Variants in FBLN1 observed in about 807,000 individuals in gnomAD.
The protein encoded by FBLN1 is fibulin 1.
In FBLN1, 34 loss-of-function variants were observed where a neutral mutation model predicts 89.7. The observed-to-expected ratio is 0.38, with a 90% CI of 0.29 to 0.50. The LOEUF is 0.50. FBLN1 is among the 20% of genes least tolerant of loss of function. The pLI is 0.92. For synonymous variants in FBLN1, 393 were observed against 391.3 expected (o/e 1.00, Z -0.05); for missense variants, 777 against 988.1 (o/e 0.79, Z 2.86).
intron 16 of FBLN1, among the ~76,000 whole-genome samples, chr22:45,596,752 T>C (rs1409549247): frequency 6.8e-6 from 1 of 147,566 alleles, no homozygotes; most frequent in Non-Finnish European, 1.5e-5. Context: ...AAACATTTTA[T>C]ATGAACAAAT....
chr22:45,597,018 T>C lies in FBLN1; in HGVS notation c.1973-3289T>C, dbSNP rs1299088259. ...ATAACAGAAATAGATCTCTTTTTTTTTGGGACAGGATCTTGCTCTGTCACC... is the reference window on the plus strand; with the variant it reads ...ATAACAGAAATAGATCTCTTTTTTTCTGGGACAGGATCTTGCTCTGTCACC... On this transcript the variant is annotated intron_variant, in intron 16 of 16. Coordinates refer to ENST00000327858, the MANE Select transcript of FBLN1 (RefSeq NM_006486.3). This position sits in a 1 kb window ranked among gnomAD's most constrained non-coding sequence, Gnocchi z 4.2. Among the ~76,000 whole-genome samples the C allele has an allele frequency of 2.6e-5, 4 of 151,820 alleles. No individual in the cohort carries two copies. Among genetic ancestry groups the C allele is most frequent in the Non-Finnish European group, 5.9e-5 (4 of 67,970 alleles).
In FBLN1 at chr22:45,579,555, G is replaced by A. The variant is rs542928538; in HGVS notation, c.1972+2447G>A. Among the ~76,000 whole-genome samples the A allele has an allele frequency of 6.6e-6, 1 of 152,202 alleles. No homozygotes were observed. Among genetic ancestry groups the A allele is most frequent in the Non-Finnish European group, 1.5e-5 (1 of 68,038 alleles). ...CCCCAGCCTGGCCCTTGGAATTGTC[G>A]TGCCTGTAGCCCTGTGTGCTGGGGA... On this transcript the variant is annotated intron_variant, in intron 16 of 16. Coordinates refer to ENST00000327858, the MANE Select transcript of FBLN1 (RefSeq NM_006486.3). This position sits in a 1 kb window ranked among gnomAD's most constrained non-coding sequence, Gnocchi z 5.5.
chr22:45,538,598 A>G lies in FBLN1; in HGVS notation c.923-2631A>G, dbSNP rs117233598. On this transcript the variant is annotated intron_variant, in intron 8 of 16. Transcript: ENST00000327858. The stretch of plus-strand genomic sequence containing the variant: ...TGCATCAGCAGAAATACGTCTTTCT[A>G]AGGAGAAAATACATCAAGATAGAAG... Among the ~76,000 whole-genome samples the G allele has an allele frequency of 6.2e-4, 95 of 152,294 alleles. 1 individual carries two copies. In the East Asian group the frequency reaches 0.018, roughly 28 times the overall value.
chr22:45,517,806 CG>C (rs2088189589), intron 1 of FBLN1: 1 of 365,468 alleles, frequency 2.7e-6, no homozygotes, highest in African/African-American at 2.2e-5. Context: ...GGAGAAAACA[CG>C]GATGTGGGTC....
chr22:45,542,490 C>G (rs1200712090), intron 10 of FBLN1, among the ~76,000 whole-genome samples: 1 of 152,216 alleles, frequency 6.6e-6, no homozygotes, highest in East Asian at 1.9e-4. Context: ...GGCACCACCC[C>G]CCTGTGTGTG....
chr22:45,524,496 C>T (rs2088293793), intron 2 of FBLN1, among the ~76,000 whole-genome samples: 1 of 152,202 alleles, frequency 6.6e-6, no homozygotes, highest in African/African-American at 2.4e-5. Flanking sequence ...AGCTAGGTGC[C>T]ACTGCAGCCA....
rs1423944758 is a variant in FBLN1 at position 45,583,480 on chromosome 22, G to C, written c.1972+6372G>C. Among the ~76,000 whole-genome samples, 1 of 152,228 alleles carries C rather than the reference G, an allele frequency of 6.6e-6. No individual in the cohort carries two copies. Among genetic ancestry groups the C allele is most frequent in the Non-Finnish European group, 1.5e-5 (1 of 68,042 alleles). On this transcript the variant is annotated intron_variant, in intron 16 of 16. Coordinates refer to ENST00000327858, the MANE Select transcript of FBLN1 (RefSeq NM_006486.3). The surrounding 1 kb of genome is among the most constrained non-coding windows in gnomAD (Gnocchi z 4.5). ...CATTAATGGAATCAGATGAAACGAT[G>C]TATGTGAAAGCTCCCAGCAGTGCCT...
At position 45,564,741 on chromosome 22, in the gene FBLN1, C is replaced by T. The variant is rs897498736; in HGVS notation, c.1698-9770C>T. The T allele has an allele frequency of 9.1e-5, 86 of 945,688 alleles. 1 individual carries two copies. The highest frequency in any genetic ancestry group is 7.8e-4 in the South Asian group (55 of 70,824). The allele number at this position is 945,688 out of a possible 1,614,324, so 58.6% of individuals were successfully genotyped here. A position where few individuals can be genotyped will look rare whatever the true frequency, so the allele number is the denominator to read the frequency against. On this transcript the variant is annotated intron_variant, in intron 14 of 16. Coordinates refer to ENST00000327858, the MANE Select transcript of FBLN1 (RefSeq NM_006486.3). ...GGGACCAGGTCTATCTCATTCAGTGCGGTGTTCCCAGCTCCTTGCAAGACA... is the reference window on the plus strand; with the variant it reads ...GGGACCAGGTCTATCTCATTCAGTGTGGTGTTCCCAGCTCCTTGCAAGACA...
intron 11 of FBLN1, among the ~76,000 whole-genome samples, chr22:45,544,416 T>C (rs2088599905): frequency 6.6e-6 from 1 of 152,136 alleles, no homozygotes; most frequent in Non-Finnish European, 1.5e-5. Flanking sequence ...GAGTTAGGCT[T>C]TCCCCACCCG....
At chr22:45,591,805 G>A (rs1234663142) in intron 16 of FBLN1, among the ~76,000 whole-genome samples, 1 of 90,480 alleles carries the variant, frequency 1.1e-5, no homozygotes, top group Non-Finnish European at 2.0e-5. Flanking sequence ...TTGCAGACAG[G>A]AGGGAGGAAG....
chr22:45,543,075 T>C (rs919072514), intron 10 of FBLN1, among the ~76,000 whole-genome samples: 2 of 152,206 alleles, frequency 1.3e-5, no homozygotes, highest in Non-Finnish European at 2.9e-5. Flanking sequence ...GAGACCAGCC[T>C]GGCCAACATG....
chr22:45,560,932 C>T (rs1215946960), intron 14 of FBLN1, among the ~76,000 whole-genome samples: 2 of 151,932 alleles, frequency 1.3e-5, no homozygotes, highest in Admixed American at 6.6e-5. Flanking sequence ...CCTCAGGCAG[C>T]GTGGGGTTTA....
Position 45,577,182 on chromosome 22 carries a change from C to T in FBLN1, c.1972+74C>T. The stretch of plus-strand genomic sequence containing the variant: ...CCCCGAAACCCTCTCTGGCCCAGCC[C>T]AACTCCCATCTGAGTCCCCTCCCCA... On this transcript the variant is annotated intron_variant, in intron 16 of 16. Transcript: ENST00000327858. This position sits in a 1 kb window ranked among gnomAD's most constrained non-coding sequence, Gnocchi z 6.6. 1 of 1,543,060 alleles carries T rather than the reference C, an allele frequency of 6.5e-7. No homozygotes were observed. The highest frequency in any genetic ancestry group is 8.9e-7 in the Non-Finnish European group (1 of 1,124,204).
At chr22:45,520,866 G>A (rs942311703) in intron 2 of FBLN1, among the ~76,000 whole-genome samples, 3 of 151,804 alleles carry the variant, frequency 2.0e-5, no homozygotes, top group Non-Finnish European at 4.4e-5. Context: ...CCCAGGCTGG[G>A]GTGCAGTATG....
intron 9 of FBLN1, among the ~76,000 whole-genome samples, chr22:45,541,724 G>A (rs191637648): frequency 1.3e-5 from 2 of 152,198 alleles, no homozygotes; most frequent in African/African-American, 4.8e-5. Context: ...AGGCAATGTG[G>A]GTCTGCCACT....
chr22:45,564,993 T>G (rs2088890066), intron 14 of FBLN1: 1 of 1,613,628 alleles, frequency 6.2e-7, no homozygotes, highest in African/African-American at 1.3e-5. Context: ...TGATGCCTAG[T>G]GAGGAAGATG....
At chr22:45,544,467 A>G (rs1279584565) in intron 11 of FBLN1, among the ~76,000 whole-genome samples, 1 of 152,176 alleles carries the variant, frequency 6.6e-6, no homozygotes, top group Non-Finnish European at 1.5e-5. Flanking sequence ...GGATGACGAC[A>G]TTCCCCAGGC....
At position 45,530,744 on chromosome 22, in the gene FBLN1, T is replaced by G. The variant is rs1410596970; in HGVS notation, c.485-521T>G. Among the ~76,000 whole-genome samples the G allele has an allele frequency of 5.9e-5, 9 of 151,722 alleles. No individual in the cohort carries two copies. The highest frequency in any genetic ancestry group is 3.3e-4 in the Admixed American group (5 of 15,204). On this transcript the variant is annotated intron_variant, in intron 4 of 16. Transcript: ENST00000327858. The surrounding 1 kb of genome is among the most constrained non-coding windows in gnomAD (Gnocchi z 5.4). ...AAGTCAATGATTACAGGCCTTTGTG[T>G]CTGTGGTCTTTCTGTTATAACTGAT...
chr22:45,519,940 CG>C (rs2088226848), intron 2 of FBLN1, among the ~76,000 whole-genome samples: 1 of 151,988 alleles, frequency 6.6e-6, no homozygotes, highest in Non-Finnish European at 1.5e-5. Flanking sequence ...GAGACCAAGG[CG>C]GGTGGATCAC....
Sources: allele counts gnomAD v4.1 joint callset (sites outside exome capture counted in the v4.1 genomes callset), GRCh38; gene constraint gnomAD v4.1.1; non-coding constraint Gnocchi (gnomAD v3.1); transcripts MANE v1.5; gene names NCBI Gene and HGNC (gene_info 2026-07-23, HGNC 2026-07-21).